FMN2: variants seen among roughly 807,000 people sequenced by gnomAD.
FMN2 encodes the protein formin 2, also known as formin-2.
In FMN2, 51 loss-of-function variants were observed where a neutral mutation model predicts 142.3. That is an observed-to-expected ratio of 0.36 (90% CI 0.29 to 0.45). FMN2 has a LOEUF of 0.45. FMN2 is among the 20% of genes least tolerant of loss of function. FMN2 has a pLI of 1.00. For synonymous variants in FMN2, 882 were observed against 869.8 expected (o/e 1.01, Z -0.25); for missense variants, 1,936 against 2,122.8 (o/e 0.91, Z 1.73).
Position 240,264,283 on chromosome 1 carries a change from T to A in FMN2, c.4153+6251T>A, listed in dbSNP as rs1572132247. ...CCAAAGCTGAGAAGCCTTATTCTGA[T>A]AATTGTTTGGGAAGAAATTGTCCTA... On this transcript the variant is annotated intron_variant, in intron 7 of 17. Coordinates refer to ENST00000319653, the MANE Select transcript of FMN2 (RefSeq NM_020066.5). 2.6e-5 allele frequency among the ~76,000 whole-genome samples: 4 copies of A among 152,176 alleles called. No homozygotes were observed. The East Asian group carries it at 7.7e-4, about 29-fold the overall frequency.
chr1:240,230,423 C>A (rs945352568), intron 6 of FMN2, among the ~76,000 whole-genome samples: 1 of 131,684 alleles, frequency 7.6e-6, no homozygotes, highest in African/African-American at 3.2e-5. Flanking sequence ...GAAGAGCTGA[C>A]GTCCCCTAAA....
At chr1:240,333,178 A>C (rs1044425469) in intron 11 of FMN2, among the ~76,000 whole-genome samples, 5 of 152,174 alleles carry the variant, frequency 3.3e-5, no homozygotes, top group African/African-American at 1.2e-4. Flanking sequence ...GTAAAATAAA[A>C]ATTAATGCGC....
intron 8 of FMN2, among the ~76,000 whole-genome samples, chr1:240,300,008 C>T (rs1558420407): frequency 6.6e-6 from 1 of 152,168 alleles, no homozygotes; most frequent in African/African-American, 2.4e-5. Context: ...TCTCCCCAAA[C>T]TTTACAGCTA....
At chr1:240,147,648 G>A (rs1558320553) in intron 2 of FMN2, among the ~76,000 whole-genome samples, 1 of 152,114 alleles carries the variant, frequency 6.6e-6, no homozygotes, top group Non-Finnish European at 1.5e-5. Context: ...GTGAGCCATT[G>A]CACCTGGCCT....
At chr1:240,228,320 A>AG (rs1558380401) in intron 6 of FMN2, among the ~76,000 whole-genome samples, 1 of 97,262 alleles carries the variant, frequency 1.0e-5, no homozygotes, top group East Asian at 2.6e-4. Context: ...AAAAAAAAAA[A>AG]AAAAAAAAAA....
chr1:240,138,101 G>C (rs1419604314), intron 2 of FMN2, among the ~76,000 whole-genome samples: 1 of 150,068 alleles, frequency 6.7e-6, no homozygotes, highest in African/African-American at 2.5e-5. Flanking sequence ...AAAGAAAAGA[G>C]AAATGCTGCC....
chr1:240,288,023 T>G (rs937389729), intron 7 of FMN2, among the ~76,000 whole-genome samples: 1 of 152,160 alleles, frequency 6.6e-6, no homozygotes, highest in Non-Finnish European at 1.5e-5. Context: ...GAAAGGACAA[T>G]CAGAGTGATC....
chr1:240,136,931 C>T (rs1347453056), intron 2 of FMN2, among the ~76,000 whole-genome samples: 6 of 151,748 alleles, frequency 4.0e-5, no homozygotes, highest in Admixed American at 1.3e-4. Context: ...ATTAGCTGGG[C>T]GTGGTGTGGG....
intron 16 of FMN2, among the ~76,000 whole-genome samples, chr1:240,461,803 G>T (rs536915720): frequency 1.1e-4 from 17 of 152,146 alleles, no homozygotes; most frequent in African/African-American, 4.1e-4. Flanking sequence ...TAGGATGGTG[G>T]CATCACTCAT....
chr1:240,110,455 A>T (rs1398332799), intron 1 of FMN2, among the ~76,000 whole-genome samples: 1 of 152,200 alleles, frequency 6.6e-6, no homozygotes, highest in Admixed American at 6.5e-5. Context: ...GGCCCAATAA[A>T]ACCCTAGTGC....
intron 16 of FMN2, 200 bp from the exon 17 acceptor site, chr1:240,472,172 A>G: frequency 4.0e-6 from 2 of 505,886 alleles, no homozygotes; most frequent in Non-Finnish European, 6.9e-6. Context: ...CCAAGTTAAG[A>G]ACTCCTAGAT....
At chr1:240,240,281 G>A (rs999439677) in intron 6 of FMN2, among the ~76,000 whole-genome samples, 5 of 152,144 alleles carry the variant, frequency 3.3e-5, no homozygotes, top group Non-Finnish European at 7.3e-5. Flanking sequence ...ACCTTGAACA[G>A]CCACTTCTGC....
chr1:240,257,055 C>G (rs1388745169), intron 6 of FMN2, among the ~76,000 whole-genome samples: 1 of 152,146 alleles, frequency 6.6e-6, no homozygotes, highest in Non-Finnish European at 1.5e-5. Context: ...TCCTTTTCCT[C>G]CAGTGTTTTT....
chr1:240,204,515 C>A (rs1277129892), intron 4 of FMN2, among the ~76,000 whole-genome samples: 3 of 152,204 alleles, frequency 2.0e-5, no homozygotes, highest in African/African-American at 7.2e-5. Flanking sequence ...CTTTGGGAGG[C>A]CGAGGTGCGT....
At chr1:240,213,422 G>A (rs1666768944) in intron 6 of FMN2, among the ~76,000 whole-genome samples, 1 of 152,162 alleles carries the variant, frequency 6.6e-6, no homozygotes, top group African/African-American at 2.4e-5. Flanking sequence ...TTTTTTAAAT[G>A]TATGTTAGAG....
intron 13 of FMN2, among the ~76,000 whole-genome samples, chr1:240,335,036 T>C (rs575745602): frequency 6.6e-6 from 1 of 152,320 alleles, no homozygotes; most frequent in Admixed American, 6.5e-5. Flanking sequence ...AATTTTGAGA[T>C]GTGTTTATCC....
chr1:240,311,324 TGTTCCCA>T lies in FMN2; in HGVS notation c.4215+16442_4215+16448del, dbSNP rs563117437. Among the ~76,000 whole-genome samples, 430 of 152,328 alleles carry T rather than the reference TGTTCCCA, an allele frequency of 2.8e-3. 2 individuals are homozygous for T. The highest frequency in any genetic ancestry group is 0.017 in the South Asian group (82 of 4,830). On this transcript the variant is annotated intron_variant, in intron 8 of 17. Transcript: ENST00000319653. ...AAAATGAATTGGATTAACTGTTCTG[TGTTCCCA>T]TAACTTCCTAGAGGAATTTAATTGA...
At chr1:240,328,147 C>CAAAAAAAAAAATAAA (rs1671239432) in intron 8 of FMN2, among the ~76,000 whole-genome samples, 1 of 51,456 alleles carries the variant, frequency 1.9e-5, no homozygotes, top group African/African-American at 7.5e-5. Flanking sequence ...GACCCCATCT[C>CAAAAAAAAAAATAAA]AAAAAAAAAA....
chr1:240,422,230 G>T (rs1196555955), intron 15 of FMN2, among the ~76,000 whole-genome samples: 1 of 152,096 alleles, frequency 6.6e-6, no homozygotes, highest in Admixed American at 6.6e-5. Context: ...GGCTATTCCA[G>T]ATCTTTTGCT....
Sources: gnomAD v4.1 joint callset for allele counts (sites outside exome capture counted in the v4.1 genomes callset) on GRCh38, gnomAD v4.1.1 for gene constraint, MANE v1.5 for transcripts, NCBI Gene and HGNC (gene_info 2026-07-23, HGNC 2026-07-21) for gene names.